Variants in DDR2 observed in about 807,000 individuals in gnomAD.
DDR2 encodes the protein discoidin domain receptor tyrosine kinase 2, also known as discoidin domain-containing receptor 2.
A neutral mutation model predicts 94.9 loss-of-function variants in DDR2; 27 were observed. That is an observed-to-expected ratio of 0.28 (90% CI 0.21 to 0.39). The LOEUF is 0.39. Ranked by LOEUF, DDR2 falls within the 10% of genes least tolerant of loss-of-function variation. DDR2 has a pLI of 1.00. For missense variants in DDR2, 783 were observed against 1,076.0 expected (o/e 0.73, Z 3.81); for synonymous variants, 382 against 377.2 (o/e 1.01, Z -0.15).
chr1:162,695,351 G>C (rs533379628), intron 2 of DDR2, among the ~76,000 whole-genome samples: 1 of 152,232 alleles, frequency 6.6e-6, no homozygotes, highest in East Asian at 1.9e-4. Context: ...TGTGTCTCAG[G>C]CACCGAAGTA....
chr1:162,745,076 T>C lies in DDR2; in HGVS notation c.83-8019T>C, dbSNP rs145289199. 9.5e-3 allele frequency among the ~76,000 whole-genome samples: 1,441 copies of C among 152,338 alleles called. 22 individuals are homozygous for C. Among genetic ancestry groups the C allele is most frequent in the African/African-American group, 0.033 (1,376 of 41,572 alleles). On this transcript the variant is annotated intron_variant, in intron 3 of 17. Coordinates refer to ENST00000367921, the MANE Select transcript of DDR2 (RefSeq NM_006182.4). ...TATCTCATTATGGTTTTAATTTGCA[T>C]TTCCCTAATGATTAGTGATGTTGAA... is the stretch of plus-strand genomic sequence containing the variant.
intron 3 of DDR2, among the ~76,000 whole-genome samples, chr1:162,742,145 C>T (rs1352598330): frequency 6.6e-6 from 1 of 152,202 alleles, no homozygotes; most frequent in East Asian, 1.9e-4. Flanking sequence ...CACACATTAC[C>T]TCTACTGGAG....
Position 162,780,388 on chromosome 1 carries a change from C to A in DDR2, c.*142C>A. The A allele has an allele frequency of 8.1e-7, 1 of 1,238,282 alleles. No individual in the cohort carries two copies. 76.7% of individuals were successfully genotyped at this position (1,238,282 alleles called of 1,614,324 possible). On this transcript the variant is annotated 3_prime_UTR_variant, in exon 18 of 18. Transcript: ENST00000367921. The stretch of plus-strand genomic sequence containing the variant: ...GTTTGCTTTGCCCTCTTTTCCTGGT[C>A]ACCCCCACTCCCTACCCCTGACTCA...
intron 12 of DDR2, among the ~76,000 whole-genome samples, chr1:162,771,682 A>G (rs946205921): frequency 3.9e-5 from 6 of 152,238 alleles, no homozygotes; most frequent in Non-Finnish European, 8.8e-5. Context: ...AGTGTCTTAA[A>G]ATTAAGGAAA....
At chr1:162,654,207 G>A (rs1434476548) in intron 1 of DDR2, among the ~76,000 whole-genome samples, 1 of 152,162 alleles carries the variant, frequency 6.6e-6, no homozygotes, top group Non-Finnish European at 1.5e-5. Context: ...TGAGGCCGAG[G>A]TGGGAGGATC....
intron 2 of DDR2, 119 bp from the exon 3 acceptor site, chr1:162,718,917 CA>C: frequency 9.9e-7 from 1 of 1,011,620 alleles, no homozygotes; most frequent in Non-Finnish European, 1.5e-6. Context: ...TATATAAAAA[CA>C]AACACTGCAG....
intron 11 of DDR2, among the ~76,000 whole-genome samples, chr1:162,769,494 T>C (rs963692281): frequency 2.0e-5 from 3 of 152,202 alleles, no homozygotes; most frequent in African/African-American, 7.2e-5. Flanking sequence ...TCATGCTTAG[T>C]ACTGGGGATA....
intron 7 of DDR2, among the ~76,000 whole-genome samples, chr1:162,758,743 C>G (rs927315555): frequency 2.6e-5 from 4 of 151,882 alleles, no homozygotes; most frequent in African/African-American, 9.7e-5. Flanking sequence ...TTATTTTTTG[C>G]GATTCACAAA....
rs1663558754 is a variant in DDR2, at chr1:162,758,363, G to A, written c.672-1433G>A. Among the ~76,000 whole-genome samples the A allele has an allele frequency of 2.0e-5, 3 of 152,192 alleles. No individual in the cohort carries two copies. In the South Asian group the frequency reaches 6.2e-4, roughly 32 times the overall value. On this transcript the variant is annotated intron_variant, in intron 7 of 17. Coordinates refer to ENST00000367921, the MANE Select transcript of DDR2 (RefSeq NM_006182.4). ...TAAAACAATTTCAAGAATAATATAT[G>A]CTTACTGGTGATTTTAATAACTCTA...
At chr1:162,703,044 G>A (rs967225057) in intron 2 of DDR2, among the ~76,000 whole-genome samples, 1 of 152,146 alleles carries the variant, frequency 6.6e-6, no homozygotes, top group Non-Finnish European at 1.5e-5. Context: ...CCTTTTGGAA[G>A]TTGGGAACAT....
At chr1:162,773,663 T>C (rs536171172) in intron 14 of DDR2, 67 bp downstream of exon 14, 16 of 1,601,738 alleles carry the variant, frequency 1.0e-5, no homozygotes, top group Middle Eastern at 1.7e-4. Flanking sequence ...TACTCCTGGA[T>C]ACTTCTGAGC....
At chr1:162,646,854 C>T (rs1021638516) in intron 1 of DDR2, among the ~76,000 whole-genome samples, 2 of 152,168 alleles carry the variant, frequency 1.3e-5, no homozygotes, top group Non-Finnish European at 2.9e-5. Flanking sequence ...AACAACCTCC[C>T]TCAGGTGATT....
At chr1:162,771,854 G>A (rs1178563698) in intron 12 of DDR2, among the ~76,000 whole-genome samples, 170 bp from the exon 13 acceptor site, 1 of 152,196 alleles carries the variant, frequency 6.6e-6, no homozygotes, top group Non-Finnish European at 1.5e-5. Flanking sequence ...ACATTCTGTA[G>A]GCCACAAGAA....
At position 162,775,686 on chromosome 1, in the gene DDR2, C is replaced by T. The variant is rs1471671366; in HGVS notation, c.1891C>T (p.Arg631Trp). The T allele has an allele frequency of 1.9e-6, 3 of 1,614,090 alleles. No homozygotes were observed. Among genetic ancestry groups the T allele is most frequent in the Non-Finnish European group, 1.7e-6 (2 of 1,179,980 alleles). Residue 631 changes from arginine to tryptophan, a missense_variant, in exon 15 of 18, where the codon CGG becomes TGG. Arg to Trp is a moderately radical substitution (Grantham distance 101, BLOSUM62 -3). Transcript: ENST00000367921. ...TCTTAAGGAGATAAAGATCATGTCT[C>T]GGCTCAAGGACCCAAACATCATCCA... is the stretch of plus-strand genomic sequence containing the variant. ...DFLKEIKIMS[R>W]LKDPNIIHLL...
At chr1:162,691,618 G>A (rs1659965170) in intron 2 of DDR2, among the ~76,000 whole-genome samples, 1 of 152,212 alleles carries the variant, frequency 6.6e-6, no homozygotes, top group Admixed American at 6.5e-5. Context: ...AGTACAACTG[G>A]CTCTGTGGGG....
rs1648090754 is a variant in DDR2, at chr1:162,784,955, C to G, written c.*4709C>G. 6.6e-6 allele frequency: 1 copy of G among 152,160 alleles called. No homozygotes were observed. The highest frequency in any genetic ancestry group is 2.4e-5 in the African/African-American group (1 of 41,436). 9.4% of individuals were successfully genotyped at this position (152,160 alleles called of 1,614,324 possible). A position where few individuals can be genotyped will look rare whatever the true frequency, so the allele number is the denominator to read the frequency against. ...CTTTTAATTCTTGCTGATTTGTAAA[C>G]TGGCCTTGCTTGGATACAACAGGAA... is the stretch of plus-strand genomic sequence containing the variant. On this transcript the variant is annotated 3_prime_UTR_variant, in exon 18 of 18. Coordinates refer to ENST00000367921, the MANE Select transcript of DDR2 (RefSeq NM_006182.4).
chr1:162,769,918 A>G (rs1664182158), intron 11 of DDR2, among the ~76,000 whole-genome samples: 1 of 152,224 alleles, frequency 6.6e-6, no homozygotes, highest in African/African-American at 2.4e-5. Context: ...ATTTATGTCT[A>G]TTCCAAAACC....
chr1:162,723,561 T>A (rs1445816063), intron 3 of DDR2, among the ~76,000 whole-genome samples: 1 of 152,116 alleles, frequency 6.6e-6, no homozygotes, highest in African/African-American at 2.4e-5. Context: ...ATCCTGATGA[T>A]CCTGAAATTC....
chr1:162,744,885 G>T (rs1662775796), intron 3 of DDR2, among the ~76,000 whole-genome samples: 1 of 152,196 alleles, frequency 6.6e-6, no homozygotes, highest in Non-Finnish European at 1.5e-5. Context: ...GACTGCTGGA[G>T]CATATGGTAG....
Sources: allele counts gnomAD v4.1 joint callset (sites outside exome capture counted in the v4.1 genomes callset), GRCh38; gene constraint gnomAD v4.1.1; transcripts MANE v1.5; gene names NCBI Gene and HGNC (gene_info 2026-07-23, HGNC 2026-07-21).